Variants in THSD4 observed in about 807,000 individuals in gnomAD.
THSD4 encodes the protein thrombospondin type 1 domain containing 4, also known as thrombospondin type-1 domain-containing protein 4.
A neutral mutation model predicts 119.0 loss-of-function variants in THSD4; 69 were observed. The ratio of observed to expected loss-of-function variants is 0.58; its 90% CI spans 0.48 to 0.71. The LOEUF is 0.71. Among genes scored for constraint, THSD4 ranks in the 30% least tolerant of loss-of-function variants. The pLI is 0.00. For synonymous variants in THSD4, 524 were observed against 540.4 expected, an observed-to-expected ratio of 0.97 and a Z score of 0.42; for missense variants, 1,393 against 1,391.1, an observed-to-expected ratio of 1.00 and a Z score of -0.02.
At chr15:71,625,091 T>C (rs927529738) in intron 7 of THSD4, among the ~76,000 whole-genome samples, 1 of 152,160 alleles carries the variant, frequency 6.6e-6, no homozygotes, top group African/African-American at 2.4e-5. Flanking sequence ...CACTGCACCC[T>C]TTGCCTCCAG....
chr15:71,194,206 A>G (rs1017670381), intron 3 of THSD4, among the ~76,000 whole-genome samples: 72 of 152,182 alleles, frequency 4.7e-4, no homozygotes, highest in Non-Finnish European at 1.0e-4. Flanking sequence ...CAGCAGCTTT[A>G]AAAAGGACTA....
chr15:71,626,090 A>G (rs1242621261), intron 7 of THSD4, among the ~76,000 whole-genome samples: 1 of 152,190 alleles, frequency 6.6e-6, no homozygotes, highest in Non-Finnish European at 1.5e-5. Flanking sequence ...TAAGTAATTC[A>G]TAATGTTTGG....
intron 7 of THSD4, among the ~76,000 whole-genome samples, chr15:71,624,837 G>A (rs1567068321): frequency 6.6e-6 from 1 of 152,158 alleles, no homozygotes; most frequent in African/African-American, 2.4e-5. Context: ...AGGATCATCT[G>A]GTGAGCAATC....
chr15:71,640,779 C>T (rs984187537), intron 7 of THSD4, among the ~76,000 whole-genome samples: 2 of 152,170 alleles, frequency 1.3e-5, no homozygotes, highest in East Asian at 3.8e-4. Flanking sequence ...AATTCCAATT[C>T]CACCTACCAT....
intron 8 of THSD4, among the ~76,000 whole-genome samples, chr15:71,691,773 C>G (rs1430330579): frequency 6.6e-6 from 1 of 152,158 alleles, no homozygotes; most frequent in Non-Finnish European, 1.5e-5. Flanking sequence ...CCTTGTCTAG[C>G]ACAGGACTGC....
chr15:71,415,785 A>G lies in THSD4; in HGVS notation c.1152+3962A>G, dbSNP rs148799145. 3.6e-3 allele frequency among the ~76,000 whole-genome samples: 553 copies of G among 152,090 alleles called. 2 individuals are homozygous for G. The highest frequency in any genetic ancestry group is 0.013 in the African/African-American group (522 of 41,472). ...TTCCACAAATAAGTGAGAACATGCC[A>G]AGTTTGTCTTTTTGTTTGTTTGTTT... is the stretch of plus-strand genomic sequence containing the variant. On this transcript the variant is annotated intron_variant, in intron 7 of 17. Transcript: ENST00000261862.
intron 7 of THSD4, among the ~76,000 whole-genome samples, chr15:71,551,771 A>G (rs549045298): frequency 1.3e-5 from 2 of 152,270 alleles, no homozygotes; most frequent in South Asian, 2.1e-4. Context: ...CAGCATCTTT[A>G]CTGGGGCTGA....
intron 2 of THSD4, among the ~76,000 whole-genome samples, chr15:71,154,111 A>C (rs111783251): frequency 0.011 from 1,662 of 152,298 alleles, 32 homozygotes; most frequent in African/African-American, 0.038. Flanking sequence ...TCCTCACAGA[A>C]GGTGAGAATG....
At chr15:71,290,409 T>A (rs2044773859) in intron 6 of THSD4, among the ~76,000 whole-genome samples, 1 of 148,148 alleles carries the variant, frequency 6.8e-6, no homozygotes, top group Non-Finnish European at 1.5e-5. Context: ...CAGGCTTTCA[T>A]TTGTATGTCA....
chr15:71,115,337 CA>C (rs1208747462), upstream of THSD4: 3 of 152,572 alleles, frequency 2.0e-5, no homozygotes, highest in South Asian at 2.1e-4. This position sits in a 1 kb window ranked among gnomAD's most constrained non-coding sequence, Gnocchi z 4.4. Context: ...CCTCCGGGGT[CA>C]GGGGTGCGGA....
chr15:71,673,920 C>T (rs2141018282), intron 8 of THSD4, among the ~76,000 whole-genome samples: 1 of 152,282 alleles, frequency 6.6e-6, no homozygotes, highest in Admixed American at 6.5e-5. Context: ...CCACGGCTGG[C>T]CATATACTTT....
intron 3 of THSD4, among the ~76,000 whole-genome samples, chr15:71,194,783 G>C (rs1261278506): frequency 2.0e-5 from 3 of 152,148 alleles, no homozygotes; most frequent in Non-Finnish European, 4.4e-5. Flanking sequence ...CACTTCGGTG[G>C]CTCCCACCTG....
At chr15:71,768,276 C>CAAAAAAAAA (rs1555451045) in intron 16 of THSD4, among the ~76,000 whole-genome samples, 26 of 150,176 alleles carry the variant, frequency 1.7e-4, no homozygotes, top group African/African-American at 6.3e-4. Context: ...ACAAAAAAAA[C>CAAAAAAAAA]CAAAAAAAAA....
At chr15:71,473,684 G>A (rs762069178) in intron 7 of THSD4, among the ~76,000 whole-genome samples, 111 of 152,282 alleles carry the variant, frequency 7.3e-4, no homozygotes, top group Non-Finnish European at 1.3e-3. Flanking sequence ...TGGGGCTGGG[G>A]TATCAAGGAC....
intron 4 of THSD4, among the ~76,000 whole-genome samples, chr15:71,232,112 G>C (rs929670445): frequency 1.3e-5 from 2 of 152,042 alleles, no homozygotes; most frequent in Non-Finnish European, 2.9e-5. Context: ...CTCAGCTGCT[G>C]CTCCCTCCCA....
intron 7 of THSD4, among the ~76,000 whole-genome samples, chr15:71,452,544 C>A (rs1285112468): frequency 3.4e-5 from 5 of 147,646 alleles, no homozygotes; most frequent in African/African-American, 9.9e-5. Flanking sequence ...AAAAAAAATT[C>A]ATATGTTAAA....
intron 3 of THSD4, among the ~76,000 whole-genome samples, chr15:71,207,765 C>G (rs902277184): frequency 1.3e-5 from 2 of 152,170 alleles, no homozygotes; most frequent in Admixed American, 6.5e-5. Context: ...AATCTAATGT[C>G]TGATGATTTG....
chr15:71,288,585 G>C (rs2044749591), intron 6 of THSD4, among the ~76,000 whole-genome samples: 1 of 152,152 alleles, frequency 6.6e-6, no homozygotes, highest in Non-Finnish European at 1.5e-5. Context: ...AAGGGCAAGG[G>C]CTCCTTTCTG....
intron 10 of THSD4, among the ~76,000 whole-genome samples, chr15:71,736,437 C>G (rs140813996): frequency 6.6e-6 from 1 of 151,982 alleles, no homozygotes; most frequent in African/African-American, 2.4e-5. Context: ...GTCTTTGTCT[C>G]TCTCTTGCTC....
Sources: gnomAD v4.1 joint callset for allele counts (sites outside exome capture counted in the v4.1 genomes callset) on GRCh38, gnomAD v4.1.1 for gene constraint, Gnocchi (gnomAD v3.1) non-coding constraint, MANE v1.5 for transcripts, NCBI Gene and HGNC (gene_info 2026-07-23, HGNC 2026-07-21) for gene names.